Variants in RUFY3 observed in about 807,000 individuals in gnomAD.
RUFY3 encodes the protein protein RUFY3.
In RUFY3, 34 loss-of-function variants were observed where a neutral mutation model predicts 84.0. The ratio of observed to expected loss-of-function variants is 0.40; its 90% CI spans 0.31 to 0.54. The LOEUF (loss-of-function observed/expected upper bound fraction) is 0.54, where lower values mean the gene tolerates loss of function less well. Among genes scored for constraint, RUFY3 ranks in the 20% least tolerant of loss-of-function variants. The pLI, the probability that RUFY3 is intolerant of heterozygous loss-of-function variation, is 0.39. For missense variants in RUFY3, 507 were observed against 736.8 expected (o/e 0.69, Z 3.61); for synonymous variants, 242 against 252.9 (o/e 0.96, Z 0.41).
intron 1 of RUFY3, among the ~76,000 whole-genome samples, chr4:70,729,941 T>TG (rs909274894): frequency 2.7e-5 from 4 of 150,018 alleles, no homozygotes; most frequent in Admixed American, 6.7e-5. Context: ...TTTCGTTTTT[T>TG]TTTTTTTTTT....
intron 1 of RUFY3, among the ~76,000 whole-genome samples, chr4:70,706,566 A>G (rs1433542243): frequency 2.0e-5 from 3 of 152,216 alleles, no homozygotes; most frequent in Admixed American, 2.0e-4. Flanking sequence ...TGCTAAACCC[A>G]TGCTCTTTAA....
chr4:70,717,704 A>G (rs1741776901), upstream of RUFY3, among the ~76,000 whole-genome samples: 1 of 150,466 alleles, frequency 6.6e-6, no homozygotes, highest in Non-Finnish European at 1.5e-5. Context: ...GTGTAGAAGG[A>G]ACATGGACTT....
chr4:70,745,236 G>A (rs1488046579), intron 1 of RUFY3, among the ~76,000 whole-genome samples: 4 of 152,112 alleles, frequency 2.6e-5, no homozygotes, highest in African/African-American at 9.7e-5. Flanking sequence ...GAGCCACCGC[G>A]CCCGGCCTGA....
intron 17 of RUFY3, among the ~76,000 whole-genome samples, chr4:70,804,856 C>T (rs891026152): frequency 2.0e-5 from 3 of 151,802 alleles, no homozygotes; most frequent in Non-Finnish European, 2.9e-5. Context: ...ACCCGGGAGG[C>T]GGAGGTTGCA....
At chr4:70,764,250 T>C (rs187632514) in intron 3 of RUFY3, among the ~76,000 whole-genome samples, 2 of 152,364 alleles carry the variant, frequency 1.3e-5, no homozygotes, top group East Asian at 3.9e-4. Flanking sequence ...TGTCTTCAAA[T>C]TGTAGTTACA....
intron 5 of RUFY3, among the ~76,000 whole-genome samples, chr4:70,773,074 T>C (rs576640900): frequency 6.6e-6 from 1 of 152,306 alleles, no homozygotes; most frequent in South Asian, 2.1e-4. Context: ...ATATTAGCAA[T>C]GGTCATCTTC....
intron 1 of RUFY3, among the ~76,000 whole-genome samples, chr4:70,758,658 A>G (rs371528301): frequency 2.0e-5 from 3 of 152,130 alleles, no homozygotes; most frequent in East Asian, 1.9e-4. Context: ...AATCAGGGTA[A>G]TTAGCATATC....
intron 5 of RUFY3, 91 bp downstream of exon 5, chr4:70,768,752 C>A: frequency 8.4e-7 from 1 of 1,192,608 alleles, no homozygotes; most frequent in Non-Finnish European, 1.2e-6. Context: ...CCAAATTAGG[C>A]CATATTCTAT....
Position 70,794,869 on chromosome 4 carries a change from G to A in RUFY3, c.1532G>A (p.Gly511Asp), listed in dbSNP as rs781607151. 2 of 1,609,138 alleles carry A rather than the reference G, an allele frequency of 1.2e-6. No individual in the cohort carries two copies. Among genetic ancestry groups the A allele is most frequent in the Middle Eastern group, 1.7e-4 (1 of 6,054 alleles). ...AACGACAGGAGCATCCCAGGAAGGG[G>A]TTCCCAGAAGTCAGAATCCAAGATG... ...LQNDRSIPGR[G>D]SQKSESKMDG... Residue 511 changes from glycine (G) to aspartate (D), a missense_variant, in exon 14 of 18, where the codon GGT (glycine) becomes GAT (aspartate). Around this residue, in one of 4 missense-constraint regions of RUFY3, gnomAD observed 334 missense variants for 364.1 expected, o/e 0.92. Coordinates refer to ENST00000381006, the MANE Select transcript of RUFY3 (RefSeq NM_001037442.4).
At chr4:70,721,649 TG>T (rs1742313509), upstream of RUFY3, among the ~76,000 whole-genome samples, 1 of 152,254 alleles carries the variant, frequency 6.6e-6, no homozygotes, top group South Asian at 2.1e-4. Flanking sequence ...TAGATAAGAA[TG>T]AAAGAGGTGA....
chr4:70,803,981 T>C (rs1005754379), intron 16 of RUFY3, among the ~76,000 whole-genome samples: 3 of 148,796 alleles, frequency 2.0e-5, no homozygotes, highest in African/African-American at 7.4e-5. Context: ...GTGATCTACC[T>C]GCCTTGGCCT....
At chr4:70,782,264 AAGT>A (rs766241812) in intron 8 of RUFY3, among the ~76,000 whole-genome samples, 7 of 152,014 alleles carry the variant, frequency 4.6e-5, no homozygotes, top group Middle Eastern at 3.4e-3. Flanking sequence ...TTTCATATAA[AAGT>A]AGCAGTAAGG....
chr4:70,806,532 G>A lies in RUFY3; in HGVS notation c.1736G>A (p.Cys579Tyr), dbSNP rs749009126. The A allele has an allele frequency of 1.2e-6, 2 of 1,613,968 alleles. No individual in the cohort carries two copies. Among genetic ancestry groups the A allele is most frequent in the African/African-American group, 2.7e-5 (2 of 74,910 alleles). Residue 579 changes from cysteine to tyrosine, a missense_variant, in exon 18 of 18, where the codon TGC becomes TAC. Cys to Tyr is a radical substitution (Grantham distance 194, BLOSUM62 -2). Transcript: ENST00000381006. ...GSLTKNVCKN[C>Y]SGTFCDACST... ...TTCTCATAGAATGTGTGTAAGAACT[G>A]CAGCGGAACCTTCTGTGATGCCTGT...
intron 1 of RUFY3, among the ~76,000 whole-genome samples, chr4:70,728,141 A>G (rs1318201610): frequency 6.6e-6 from 1 of 152,230 alleles, no homozygotes; most frequent in African/African-American, 2.4e-5. Flanking sequence ...AATTCACTTA[A>G]CACACCTACT....
intron 1 of RUFY3, among the ~76,000 whole-genome samples, chr4:70,726,363 T>C (rs1718238876): frequency 1.3e-5 from 2 of 152,112 alleles, no homozygotes; most frequent in African/African-American, 4.8e-5. Flanking sequence ...CTACCATCAC[T>C]CTTTTTTTTC....
intron 1 of RUFY3, among the ~76,000 whole-genome samples, chr4:70,738,398 T>G (rs1207756996): frequency 6.9e-6 from 1 of 144,554 alleles, no homozygotes; most frequent in Admixed American, 7.0e-5. Flanking sequence ...AGTTTTGGTC[T>G]GTCACCCAGG....
intron 2 of RUFY3, 101 bp from the exon 3 acceptor site, chr4:70,763,451 G>A: frequency 1.3e-6 from 1 of 785,184 alleles, no homozygotes; most frequent in Non-Finnish European, 2.1e-6. Flanking sequence ...TATAACCTAG[G>A]ATTGGTTTCC....
chr4:70,792,146 T>C (rs1005009180), intron 12 of RUFY3: 1 of 984,310 alleles, frequency 1.0e-6, no homozygotes, highest in African/African-American at 1.7e-5. Context: ...AATGATGCAG[T>C]ACCCATTTTT....
At chr4:70,804,443 T>C (rs749166282) in intron 17 of RUFY3, 27 bp downstream of exon 17, 1 of 1,598,886 alleles carries the variant, frequency 6.3e-7, no homozygotes, top group South Asian at 1.1e-5. Context: ...ACGGACAGGC[T>C]TTTCATAGGG....
Sources: allele counts gnomAD v4.1 joint callset (sites outside exome capture counted in the v4.1 genomes callset), GRCh38; gene constraint gnomAD v4.1.1; regional missense constraint gnomAD v4.1.1; transcripts MANE v1.5; gene names NCBI Gene and HGNC (gene_info 2026-07-23, HGNC 2026-07-21).